Variants in POR observed in about 807,000 individuals in gnomAD.
The protein encoded by POR is NADPH--cytochrome P450 reductase.
POR carries 56 observed loss-of-function variants against 84.0 expected under a neutral mutation model. That is an observed-to-expected ratio of 0.67 (90% CI 0.54 to 0.83). The LOEUF (loss-of-function observed/expected upper bound fraction) is 0.83. Among genes scored for constraint, POR ranks in the 40% least tolerant of loss-of-function variants. The pLI is 0.00. For synonymous variants in POR, 414 were observed against 400.5 expected (o/e 1.03, Z -0.40); for missense variants, 938 against 944.3 (o/e 0.99, Z 0.09).
intron 1 of POR, among the ~76,000 whole-genome samples, chr7:75,941,254 T>C (rs1458104410): frequency 1.3e-5 from 2 of 152,198 alleles, no homozygotes; most frequent in Admixed American, 6.5e-5. Context: ...CCTGCCTCTT[T>C]AGGCCCTAAG....
chr7:75,955,121 C>T (rs146567171), intron 2 of POR, among the ~76,000 whole-genome samples: 89 of 152,274 alleles, frequency 5.8e-4, no homozygotes, highest in Non-Finnish European at 1.2e-3. Flanking sequence ...GGATTACAGG[C>T]GTGAGCCACT....
At chr7:75,933,472 TCTGCCTCCCAGGTTCAAGCGATTCTC>T (rs1807525142) in intron 1 of POR, among the ~76,000 whole-genome samples, 2 of 136,640 alleles carry the variant, frequency 1.5e-5, no homozygotes, top group Middle Eastern at 8.1e-3. Flanking sequence ...CACTGCAACC[TCTGCCTCCCAGGTTCAAGCGATTCTC>T]CTGCCTCAGC....
At chr7:75,972,915 C>T (rs905716313) in intron 3 of POR, among the ~76,000 whole-genome samples, 4 of 151,946 alleles carry the variant, frequency 2.6e-5, no homozygotes, top group African/African-American at 4.8e-5. Context: ...CTCCACCTCC[C>T]GGGTTCAAGC....
At chr7:75,940,616 C>T (rs1458997832) in intron 1 of POR, among the ~76,000 whole-genome samples, 2 of 151,568 alleles carry the variant, frequency 1.3e-5, no homozygotes, top group Non-Finnish European at 2.9e-5. Flanking sequence ...AACCCCATCT[C>T]TACTAAAAAC....
At chr7:75,958,766 G>GC (rs1166631915) in intron 2 of POR, among the ~76,000 whole-genome samples, 1 of 151,896 alleles carries the variant, frequency 6.6e-6, no homozygotes, top group Non-Finnish European at 1.5e-5. Flanking sequence ...GATTGCTTGA[G>GC]CCAGGAGTTC....
intron 2 of POR, among the ~76,000 whole-genome samples, chr7:75,956,871 A>G (rs1554553804): frequency 6.6e-6 from 1 of 152,038 alleles, no homozygotes; most frequent in Non-Finnish European, 1.5e-5. Context: ...GACTACAGGC[A>G]CATGCTACCA....
intron 2 of POR, among the ~76,000 whole-genome samples, chr7:75,970,121 G>A (rs1348868210): frequency 6.6e-6 from 1 of 152,080 alleles, no homozygotes; most frequent in Non-Finnish European, 1.5e-5. Flanking sequence ...GGGAAATGGG[G>A]CCGGGCCACT....
At chr7:75,962,028 G>GT (rs1266430798) in intron 2 of POR, among the ~76,000 whole-genome samples, 2 of 151,030 alleles carry the variant, frequency 1.3e-5, no homozygotes, top group Non-Finnish European at 3.0e-5. Flanking sequence ...AAAAAAAAAA[G>GT]TAAACTTCAA....
At chr7:75,975,028 G>A (rs1205290781) in intron 3 of POR, among the ~76,000 whole-genome samples, 8 of 152,018 alleles carry the variant, frequency 5.3e-5, no homozygotes, top group Non-Finnish European at 1.5e-5. Flanking sequence ...CTAGCTGATC[G>A]CATTTTTATT....
chr7:75,982,552 G>C (rs891584373), intron 8 of POR, among the ~76,000 whole-genome samples: 2 of 152,232 alleles, frequency 1.3e-5, no homozygotes. Flanking sequence ...GCCCAGGGCA[G>C]CGGGGCACAT....
At position 75,979,558 on chromosome 7, in the gene POR, G is replaced by A. The variant is rs963959623; in HGVS notation, c.345G>A (p.Ala115=). 44 of 1,613,396 alleles carry A rather than the reference G, an allele frequency of 2.7e-5. No individual in the cohort carries two copies. The highest frequency in any genetic ancestry group is 2.5e-4 in the African/African-American group (19 of 74,924). Residue 115 remains alanine, a synonymous_variant, in exon 4 of 16, where the codon GCG becomes GCA. Transcript: ENST00000461988. ...GCTACGGGATGCGAGGCATGTCAGC[G>A]GACCCTGAGGAGTATGACCTGGTAA...
chr7:75,986,445 G>T lies in POR; in HGVS notation c.2007G>T (p.Met669Ile). The change falls in exon 16 of 16, where the codon ATG becomes ATT. Residue 669 changes from methionine (M) to isoleucine (I), a missense_variant. Coordinates refer to ENST00000461988, the MANE Select transcript of POR (RefSeq NM_000941.3). ...CGGTGGACTACATCAAGAAACTGATGACCAAGGGCCGCTACTCCCTGGACG... is the reference window on the plus strand; with the variant it reads ...CGGTGGACTACATCAAGAAACTGATTACCAAGGGCCGCTACTCCCTGGACG... The T allele has an allele frequency of 6.2e-7, 1 of 1,612,082 alleles. No individual in the cohort carries two copies. Among genetic ancestry groups the T allele is most frequent in the South Asian group, 1.1e-5 (1 of 91,068 alleles).
intron 1 of POR, among the ~76,000 whole-genome samples, chr7:75,919,520 G>C (rs1806748151): frequency 6.6e-6 from 1 of 151,912 alleles, no homozygotes; most frequent in Non-Finnish European, 1.5e-5. Flanking sequence ...TCATCAGTTT[G>C]TTTCTTTCTT....
chr7:75,968,049 T>C, intron 2 of POR: 1 of 455,064 alleles, frequency 2.2e-6, no homozygotes, highest in South Asian at 1.6e-5. Context: ...ACCCTCCTTT[T>C]TCCTTAAGTC....
intron 1 of POR, among the ~76,000 whole-genome samples, chr7:75,942,173 G>C (rs1786951095): frequency 6.6e-6 from 1 of 152,218 alleles, no homozygotes; most frequent in South Asian, 2.1e-4. Context: ...GCTGGAGTGA[G>C]CTGCGATTGT....
At position 75,939,341 on chromosome 7, in the gene POR, C is replaced by T. The variant is rs563277695; in HGVS notation, c.-4-14648C>T. On this transcript the variant is annotated intron_variant, in intron 1 of 15. Coordinates refer to ENST00000461988, the MANE Select transcript of POR (RefSeq NM_000941.3). The stretch of plus-strand genomic sequence containing the variant: ...CCTTAGTGCTTTGGGCCTCACAGGC[C>T]AGCGGAGCCCTCGTGCGGGTTCCAG... Among the ~76,000 whole-genome samples the T allele has an allele frequency of 1.1e-4, 16 of 152,334 alleles. No individual in the cohort carries two copies. The South Asian group carries it at 2.5e-3, about 24-fold the overall frequency.
intron 1 of POR, among the ~76,000 whole-genome samples, chr7:75,933,635 C>G (rs112434616): frequency 6.6e-6 from 1 of 152,292 alleles, no homozygotes; most frequent in African/African-American, 2.4e-5. Flanking sequence ...AGGTGATCCA[C>G]CTGCCTGGGC....
chr7:75,980,269 A>C, intron 4 of POR, 70 bp from the exon 5 acceptor site: 1 of 1,551,358 alleles, frequency 6.4e-7, no homozygotes, highest in Non-Finnish European at 8.8e-7. Context: ...GGCCTTCCCC[A>C]TCTGGTGCGG....
intron 3 of POR, among the ~76,000 whole-genome samples, chr7:75,975,814 A>ATT (rs539245771): frequency 6.1e-5 from 5 of 82,182 alleles, no homozygotes; most frequent in South Asian, 7.5e-4. Context: ...AGCTGTTCAG[A>ATT]TTTTTTTTTT....
Sources: gnomAD v4.1 joint callset for allele counts (sites outside exome capture counted in the v4.1 genomes callset) on GRCh38, gnomAD v4.1.1 for gene constraint, MANE v1.5 for transcripts, NCBI Gene and HGNC (gene_info 2026-07-23, HGNC 2026-07-21) for gene names.